Variants in RBFOX1 observed in about 807,000 individuals in gnomAD.
RBFOX1 encodes RNA binding protein fox-1 homolog 1.
A neutral mutation model predicts 57.7 loss-of-function variants in RBFOX1; 8 were observed. The ratio of observed to expected loss-of-function variants is 0.14; its 90% CI spans 0.08 to 0.25. The LOEUF is 0.25. Ranked by LOEUF, RBFOX1 falls within the 10% of genes least tolerant of loss-of-function variation. RBFOX1 has a pLI of 1.00. For missense variants in RBFOX1, 611 were observed against 548.5 expected, an observed-to-expected ratio of 1.11 and a Z score of -1.14; for synonymous variants, 326 against 222.4, an observed-to-expected ratio of 1.47 and a Z score of -4.15.
intron 2 of RBFOX1, among the ~76,000 whole-genome samples, chr16:5,577,816 G>A (rs2046519841): frequency 6.6e-6 from 1 of 152,190 alleles, no homozygotes; most frequent in South Asian, 2.1e-4. Context: ...GGAAGACATG[G>A]TTCTTCTTTA....
chr16:5,522,277 C>T (rs546435716), intron 2 of RBFOX1, among the ~76,000 whole-genome samples: 1 of 152,290 alleles, frequency 6.6e-6, no homozygotes, highest in East Asian at 1.9e-4. Flanking sequence ...TCTGTTTGTT[C>T]ATCTGTAAAA....
At chr16:6,674,891 G>GT (rs2057351642) in intron 3 of RBFOX1, among the ~76,000 whole-genome samples, 1 of 151,890 alleles carries the variant, frequency 6.6e-6, no homozygotes. Context: ...TTTTTTGTTT[G>GT]TTTGGTGGTT....
At chr16:6,670,575 T>G (rs547272392) in intron 3 of RBFOX1, among the ~76,000 whole-genome samples, 1 of 152,332 alleles carries the variant, frequency 6.6e-6, no homozygotes, top group East Asian at 1.9e-4. Context: ...GTAATACCTT[T>G]CCTTGATAGT....
chr16:6,019,691 T>C lies in RBFOX1; in HGVS notation c.-428T>C. 3 of 1,338,194 alleles carry C rather than the reference T, an allele frequency of 2.2e-6. No homozygotes were observed. Among genetic ancestry groups the C allele is most frequent in the Non-Finnish European group, 2.9e-6 (3 of 1,044,722 alleles). The allele number at this position is 1,338,194 out of a possible 1,614,324, so 82.9% of individuals were successfully genotyped here. On this transcript the variant is annotated 5_prime_UTR_variant, in exon 1 of 16. Coordinates refer to ENST00000550418, the MANE Select transcript of RBFOX1 (RefSeq NM_018723.4). This position sits in a 1 kb window ranked among gnomAD's most constrained non-coding sequence, Gnocchi z 4.2. Reference sequence around the variant, plus strand: ...GTCCGGAGCAGGAGAACTCCGAGCTTCTTGCCCAGGCAGAGAGAGCAGGAG... The same window carrying C: ...GTCCGGAGCAGGAGAACTCCGAGCTCCTTGCCCAGGCAGAGAGAGCAGGAG...
chr16:6,398,780 T>C lies in RBFOX1; in HGVS notation c.-64+81723T>C, dbSNP rs183118963. The stretch of plus-strand genomic sequence containing the variant: ...ATTGAGTGTCTGCAGCTTTTCCAGG[T>C]GCACAGTCCAGGCTGTCGCTAGATC... On this transcript the variant is annotated intron_variant, in intron 2 of 15. Transcript: ENST00000550418. Among the ~76,000 whole-genome samples the C allele has an allele frequency of 3.3e-4, 50 of 152,308 alleles. 1 individual carries two copies. The highest frequency in any genetic ancestry group is 3.4e-3 in the Middle Eastern group (1 of 294).
chr16:7,553,034 G>C (rs540408705), intron 5 of RBFOX1, among the ~76,000 whole-genome samples: 118 of 152,186 alleles, frequency 7.8e-4, no homozygotes, highest in African/African-American at 2.7e-3. Flanking sequence ...AAGCAAGTCA[G>C]ATATTTCAGG....
chr16:7,698,005 G>C (rs1322114767), intron 14 of RBFOX1, among the ~76,000 whole-genome samples: 2 of 152,150 alleles, frequency 1.3e-5, no homozygotes, highest in Non-Finnish European at 2.9e-5. Flanking sequence ...CAGATGTCAG[G>C]TCAGGAAGCA....
chr16:7,279,057 A>G (rs1211369623), intron 4 of RBFOX1, among the ~76,000 whole-genome samples: 1 of 151,848 alleles, frequency 6.6e-6, no homozygotes, highest in Non-Finnish European at 1.5e-5. Flanking sequence ...TATTTTATCT[A>G]ATTCTAAAAG....
chr16:6,631,978 A>T (rs746452046), intron 2 of RBFOX1, among the ~76,000 whole-genome samples: 30 of 152,176 alleles, frequency 2.0e-4, no homozygotes, highest in Non-Finnish European at 2.1e-4. Flanking sequence ...TTTATTCTCA[A>T]TGGAAGGAGA....
chr16:5,452,843 C>G (rs1345972852), intron 1 of RBFOX1, among the ~76,000 whole-genome samples: 1 of 151,950 alleles, frequency 6.6e-6, no homozygotes, highest in Non-Finnish European at 1.5e-5. Flanking sequence ...GGGGTTTGCT[C>G]AGGCTGGCCT....
chr16:6,317,405 C>T (rs1236997642), intron 2 of RBFOX1, among the ~76,000 whole-genome samples: 1 of 151,952 alleles, frequency 6.6e-6, no homozygotes, highest in African/African-American at 2.4e-5. Context: ...CCTTCTGAGT[C>T]ACATGACCCT....
intron 1 of RBFOX1, among the ~76,000 whole-genome samples, chr16:6,224,513 G>A (rs946206790): frequency 6.6e-6 from 1 of 152,128 alleles, no homozygotes; most frequent in South Asian, 2.1e-4. Flanking sequence ...TAAGATGCTC[G>A]ATTCATTATG....
intron 3 of RBFOX1, among the ~76,000 whole-genome samples, chr16:6,937,951 G>C (rs931076042): frequency 1.6e-5 from 2 of 125,874 alleles, no homozygotes; most frequent in African/African-American, 6.0e-5. Context: ...GGAATGCCCT[G>C]GCTGAGAGGA....
At chr16:6,444,657 A>G (rs1210872129) in intron 2 of RBFOX1, among the ~76,000 whole-genome samples, 1 of 151,746 alleles carries the variant, frequency 6.6e-6, no homozygotes, top group Non-Finnish European at 1.5e-5. Flanking sequence ...AGTCTTGGGT[A>G]TGTCTTTATC....
chr16:6,804,167 C>T (rs1325993717), intron 3 of RBFOX1, among the ~76,000 whole-genome samples: 1 of 151,964 alleles, frequency 6.6e-6, no homozygotes, highest in Non-Finnish European at 1.5e-5. Flanking sequence ...GCCACCATGC[C>T]CAGCTAACTT....
At chr16:7,664,022 A>G (rs1376744774) in intron 12 of RBFOX1, among the ~76,000 whole-genome samples, 1 of 152,152 alleles carries the variant, frequency 6.6e-6, no homozygotes, top group Non-Finnish European at 1.5e-5. Flanking sequence ...TGGCAATCAG[A>G]GAGCTGCTAT....
intron 1 of RBFOX1, among the ~76,000 whole-genome samples, chr16:5,242,944 C>T (rs1330673078): frequency 1.4e-5 from 2 of 144,936 alleles, no homozygotes; most frequent in South Asian, 4.4e-4. Flanking sequence ...CCCTGAGTGC[C>T]AAGTCCTGCT....
intron 3 of RBFOX1, among the ~76,000 whole-genome samples, chr16:5,845,051 A>G (rs1301836826): frequency 2.1e-5 from 3 of 141,146 alleles, no homozygotes; most frequent in African/African-American, 8.3e-5. Flanking sequence ...AAAGCTAATT[A>G]CCCGAGATTC....
At chr16:6,968,660 A>C (rs1031127078) in intron 3 of RBFOX1, among the ~76,000 whole-genome samples, 2 of 152,106 alleles carry the variant, frequency 1.3e-5, no homozygotes, top group Non-Finnish European at 2.9e-5. Context: ...ACAGGACTCG[A>C]GGAAGCCCAC....
Sources: gnomAD v4.1 joint callset for allele counts (sites outside exome capture counted in the v4.1 genomes callset) on GRCh38, gnomAD v4.1.1 for gene constraint, Gnocchi (gnomAD v3.1) non-coding constraint, MANE v1.5 for transcripts, NCBI Gene and HGNC (gene_info 2026-07-23, HGNC 2026-07-21) for gene names.